The following KLHL32 variants were observed in gnomAD, a reference collection of about 807,000 sequenced individuals.
The protein encoded by KLHL32 is kelch like family member 32, also known as kelch-like protein 32.
In KLHL32, 35 loss-of-function variants were observed where a neutral mutation model predicts 64.8. The ratio of observed to expected loss-of-function variants is 0.54; its 90% CI spans 0.41 to 0.72. The LOEUF is 0.72. Ranked by LOEUF, KLHL32 falls within the 30% of genes least tolerant of loss-of-function variation. The pLI, the probability that KLHL32 is intolerant of heterozygous loss-of-function variation, is 0.00. For synonymous variants in KLHL32, 259 were observed against 281.0 expected (o/e 0.92, Z 0.78); for missense variants, 589 against 768.5 (o/e 0.77, Z 2.76).
At chr6:97,031,936 G>A (rs1244769041) in intron 3 of KLHL32, among the ~76,000 whole-genome samples, 2 of 145,964 alleles carry the variant, frequency 1.4e-5, no homozygotes, top group Non-Finnish European at 3.0e-5. Flanking sequence ...GGATTATAGC[G>A]ACAGTTTCTA....
intron 8 of KLHL32, among the ~76,000 whole-genome samples, chr6:97,129,719 T>TA (rs1388176735): frequency 2.0e-5 from 3 of 152,062 alleles, no homozygotes; most frequent in Non-Finnish European, 2.9e-5. Flanking sequence ...CCGTCTTCAC[T>TA]AAAAATACAA....
At chr6:96,906,671 A>G in the KLHL32 span, among the ~76,000 whole-genome samples, 1 of 152,216 alleles carries the variant, frequency 6.6e-6, no homozygotes, top group Non-Finnish European at 1.5e-5. Context: ...CACTGCTTAG[A>G]TATGACTTCC....
At chr6:96,955,513 ATT>A (rs1415872683) in intron 1 of KLHL32, among the ~76,000 whole-genome samples, 1 of 152,092 alleles carries the variant, frequency 6.6e-6, no homozygotes, top group Non-Finnish European at 1.5e-5. Context: ...TGAAAAAAAT[ATT>A]TTAAATTAAT....
At chr6:96,968,367 A>G (rs1774711444) in intron 2 of KLHL32, among the ~76,000 whole-genome samples, 1 of 151,940 alleles carries the variant, frequency 6.6e-6, no homozygotes, top group Non-Finnish European at 1.5e-5. Context: ...GCAAAAAACA[A>G]AAAACAAAAA....
chr6:97,136,740 T>C (rs1166988913), intron 10 of KLHL32, among the ~76,000 whole-genome samples: 1 of 152,244 alleles, frequency 6.6e-6, no homozygotes, highest in Non-Finnish European at 1.5e-5. Flanking sequence ...TCAGCCAGTT[T>C]ACAGGGGAGT....
chr6:96,947,539 A>G (rs544542144), intron 1 of KLHL32, among the ~76,000 whole-genome samples: 4 of 152,320 alleles, frequency 2.6e-5, no homozygotes, highest in Admixed American at 6.5e-5. Flanking sequence ...TCTTACAAGC[A>G]TCTTTACAGG....
chr6:96,919,687 T>C (rs114350996), upstream of KLHL32, among the ~76,000 whole-genome samples: 2,140 of 152,282 alleles, frequency 0.014, 46 homozygotes, highest in African/African-American at 0.048. Context: ...ATGCTTTTAA[T>C]TTACTAATGT....
intron 6 of KLHL32, among the ~76,000 whole-genome samples, chr6:97,095,685 T>A (rs1361976952): frequency 6.6e-6 from 1 of 152,178 alleles, no homozygotes; most frequent in Admixed American, 6.5e-5. Flanking sequence ...CCTCAGGAGA[T>A]GATGGAGCAT....
At chr6:97,102,444 T>G (rs1042119806) in intron 6 of KLHL32, among the ~76,000 whole-genome samples, 1 of 152,144 alleles carries the variant, frequency 6.6e-6, no homozygotes, top group Non-Finnish European at 1.5e-5. Context: ...TTATACAATA[T>G]AAGCTAAATA....
At chr6:97,004,943 T>C (rs1231087031) in intron 3 of KLHL32, among the ~76,000 whole-genome samples, 1 of 152,076 alleles carries the variant, frequency 6.6e-6, no homozygotes, top group Non-Finnish European at 1.5e-5. Context: ...TTCTTTCTTT[T>C]TTTTTTGTTA....
At chr6:97,065,935 A>G (rs765471854) in intron 5 of KLHL32, among the ~76,000 whole-genome samples, 16 of 152,162 alleles carry the variant, frequency 1.1e-4, no homozygotes, top group Non-Finnish European at 1.8e-4. Context: ...CAGTTTATGG[A>G]ATTCTTATGA....
chr6:96,901,140 T>C, the KLHL32 span, among the ~76,000 whole-genome samples: 1 of 152,234 alleles, frequency 6.6e-6, no homozygotes, highest in African/African-American at 2.4e-5. Context: ...GCCTGCTTTG[T>C]GGTTACTGCA....
chr6:96,932,714 G>A (rs1770087130), intron 1 of KLHL32, among the ~76,000 whole-genome samples: 1 of 151,860 alleles, frequency 6.6e-6, no homozygotes, highest in Admixed American at 6.6e-5. Flanking sequence ...CTATAGGTGT[G>A]TATCACCACA....
At chr6:96,956,432 T>G (rs1007853106) in intron 1 of KLHL32, among the ~76,000 whole-genome samples, 1 of 152,242 alleles carries the variant, frequency 6.6e-6, no homozygotes, top group Non-Finnish European at 1.5e-5. Context: ...ACCTGTATAC[T>G]ATGCTGCATC....
intron 3 of KLHL32, among the ~76,000 whole-genome samples, chr6:97,005,867 A>AT (rs1455721050): frequency 1.3e-5 from 2 of 151,484 alleles, no homozygotes; most frequent in Non-Finnish European, 3.0e-5. Flanking sequence ...TCAGTTTTTT[A>AT]TTTTTTTTAA....
intron 5 of KLHL32, among the ~76,000 whole-genome samples, chr6:97,079,245 AGGCCAT>A (rs1792094622): frequency 6.6e-6 from 1 of 152,174 alleles, no homozygotes. Flanking sequence ...GACACCGCAA[AGGCCAT>A]GGCCACTCTG....
intron 3 of KLHL32, among the ~76,000 whole-genome samples, chr6:96,985,157 C>A (rs992441544): frequency 1.3e-5 from 2 of 152,132 alleles, no homozygotes; most frequent in Non-Finnish European, 2.9e-5. Flanking sequence ...ATATGAAATT[C>A]TGGGTTGAAA....
chr6:97,123,348 C>T (rs140438609), intron 7 of KLHL32, among the ~76,000 whole-genome samples: 67 of 152,278 alleles, frequency 4.4e-4, no homozygotes, highest in African/African-American at 1.5e-3. Flanking sequence ...TTTGTCACAA[C>T]ATTTTGTGGC....
chr6:97,018,454 G>A (rs1024917429), intron 3 of KLHL32, among the ~76,000 whole-genome samples: 21 of 151,236 alleles, frequency 1.4e-4, no homozygotes, highest in East Asian at 3.9e-4. Context: ...TTATCTGGGC[G>A]TGTTGGCGCA....
Sources: allele counts gnomAD v4.1 joint callset (sites outside exome capture counted in the v4.1 genomes callset), GRCh38; gene constraint gnomAD v4.1.1; transcripts MANE v1.5; gene names NCBI Gene and HGNC (gene_info 2026-07-23, HGNC 2026-07-21).